DISP1: variants seen among roughly 807,000 people sequenced by gnomAD.
The protein encoded by DISP1 is protein dispatched homolog 1.
Under a neutral mutation model 37.3 loss-of-function variants are expected in DISP1, and 30 were observed. The ratio of observed to expected loss-of-function variants is 0.80; its 90% CI spans 0.60 to 1.09. DISP1 has a LOEUF of 1.09. DISP1 is among the 50% of genes least tolerant of loss of function. The probability of loss-of-function intolerance (pLI) is 0.00; values close to 1 mark genes in which losing one functional copy is unlikely to be tolerated. For synonymous variants in DISP1, 634 were observed against 690.2 expected (o/e 0.92, Z 1.28); for missense variants, 1,598 against 1,879.5 (o/e 0.85, Z 2.77).
intron 1 of DISP1, among the ~76,000 whole-genome samples, chr1:222,868,793 A>G (rs752097629): frequency 2.6e-5 from 4 of 152,142 alleles, no homozygotes; most frequent in Admixed American, 1.3e-4. Context: ...TAATGTTTAG[A>G]GGTGCTTTCC....
chr1:222,988,781 G>A (rs762132715), intron 4 of DISP1, among the ~76,000 whole-genome samples: 5 of 151,432 alleles, frequency 3.3e-5, no homozygotes, highest in Non-Finnish European at 7.4e-5. Context: ...AGCCTCCCAA[G>A]TAGCTGGGAC....
At chr1:222,827,829 A>G (rs1210382805) in intron 1 of DISP1, among the ~76,000 whole-genome samples, 3 of 152,314 alleles carry the variant, frequency 2.0e-5, no homozygotes, top group Non-Finnish European at 4.4e-5. Flanking sequence ...TTGAGATACT[A>G]CATATAATTT....
intron 1 of DISP1, among the ~76,000 whole-genome samples, chr1:222,924,910 T>A (rs1376692113): frequency 1.3e-5 from 2 of 152,094 alleles, no homozygotes; most frequent in African/African-American, 4.8e-5. Context: ...CAGGCTCTAG[T>A]CTCTTTTTCC....
At chr1:222,862,453 A>G (rs1475940549) in intron 1 of DISP1, among the ~76,000 whole-genome samples, 1 of 152,030 alleles carries the variant, frequency 6.6e-6, no homozygotes, top group Non-Finnish European at 1.5e-5. Flanking sequence ...GTAATTTAAC[A>G]TTGATATAAT....
At chr1:222,926,870 C>T (rs1053047049) in intron 1 of DISP1, among the ~76,000 whole-genome samples, 2 of 152,110 alleles carry the variant, frequency 1.3e-5, no homozygotes, top group Non-Finnish European at 2.9e-5. Context: ...GTATGAGAGC[C>T]AAACACAAGA....
chr1:222,853,795 C>T (rs1440878036), intron 1 of DISP1, among the ~76,000 whole-genome samples: 5 of 152,044 alleles, frequency 3.3e-5, no homozygotes, highest in African/African-American at 9.7e-5. Context: ...AAAATTACAG[C>T]TAGATAGGGG....
rs572107112 is a variant in DISP1 at position 222,977,086 on chromosome 1, A to C, written c.510-5994A>C. Among the ~76,000 whole-genome samples, 13 of 152,198 alleles carry C rather than the reference A, an allele frequency of 8.5e-5. No homozygotes were observed. The South Asian group carries it at 2.3e-3, about 27-fold the overall frequency. ...CTCTTATTGCCCAGGCTGGAGTACA[A>C]TGGCGCGATCTCGGTTCACCGCAAC... On this transcript the variant is annotated intron_variant, in intron 3 of 8. Transcript: ENST00000675850.
chr1:222,903,012 T>C (rs938637983), intron 1 of DISP1, among the ~76,000 whole-genome samples: 1 of 151,970 alleles, frequency 6.6e-6, no homozygotes, highest in Non-Finnish European at 1.5e-5. Flanking sequence ...GTATGTTTGT[T>C]GCGGCACTAT....
chr1:222,841,002 GATTA>G (rs1163807252), intron 1 of DISP1, among the ~76,000 whole-genome samples: 1 of 152,134 alleles, frequency 6.6e-6, no homozygotes, highest in Admixed American at 6.5e-5. Flanking sequence ...TAGAGCACCT[GATTA>G]ATCTTGGACA....
chr1:222,921,032 G>A (rs1406446723), intron 1 of DISP1, among the ~76,000 whole-genome samples: 2 of 152,094 alleles, frequency 1.3e-5, no homozygotes, highest in African/African-American at 2.4e-5. Context: ...TAATTGGGCC[G>A]GGCACAGTGG....
intron 1 of DISP1, among the ~76,000 whole-genome samples, chr1:222,922,361 G>A (rs1672847412): frequency 6.6e-6 from 1 of 152,112 alleles, no homozygotes; most frequent in Admixed American, 6.5e-5. Flanking sequence ...ACATCTATTA[G>A]GCTGTTGTAG....
chr1:222,990,061 C>T (rs903724694), intron 4 of DISP1, among the ~76,000 whole-genome samples: 1 of 152,176 alleles, frequency 6.6e-6, no homozygotes, highest in Non-Finnish European at 1.5e-5. Flanking sequence ...CTCAGCCTCC[C>T]AAAGTGCTGA....
chr1:222,960,660 C>CA (rs1396503021), intron 3 of DISP1, among the ~76,000 whole-genome samples: 2 of 150,290 alleles, frequency 1.3e-5, no homozygotes, highest in Admixed American at 6.6e-5. Flanking sequence ...AAAAACCCTG[C>CA]AAAAAATCAA....
At chr1:222,920,186 A>C (rs1672734832) in intron 1 of DISP1, among the ~76,000 whole-genome samples, 1 of 152,212 alleles carries the variant, frequency 6.6e-6, no homozygotes, top group African/African-American at 2.4e-5. Context: ...ATGTAGATTC[A>C]TTTAGAGTTT....
chr1:222,848,281 A>C (rs982426052), intron 1 of DISP1, among the ~76,000 whole-genome samples: 16 of 152,282 alleles, frequency 1.1e-4, no homozygotes, highest in South Asian at 4.1e-4. Flanking sequence ...GTGAGCATTA[A>C]ATGAGAATGC....
Position 222,948,372 on chromosome 1 carries a change from A to G in DISP1, c.509+5040A>G, listed in dbSNP as rs370516475. Among the ~76,000 whole-genome samples, 594 of 152,302 alleles carry G rather than the reference A, an allele frequency of 3.9e-3. 6 individuals are homozygous for G. The highest frequency in any genetic ancestry group is 0.014 in the African/African-American group (578 of 41,564). ...ATGCTATCTCGTCCTTTACCCAACC[A>G]ATAAAATATCCACAGAAGCAAATGT... On this transcript the variant is annotated intron_variant, in intron 3 of 8. Coordinates refer to ENST00000675850, the MANE Select transcript of DISP1 (RefSeq NM_001377229.1).
At chr1:222,891,456 A>G (rs994251350) in intron 1 of DISP1, among the ~76,000 whole-genome samples, 1 of 152,186 alleles carries the variant, frequency 6.6e-6, no homozygotes, top group Non-Finnish European at 1.5e-5. Flanking sequence ...AGTAAACTAT[A>G]TTATAGGTCA....
rs201743091 is a variant in DISP1 at position 223,003,550 on chromosome 1, G to A, written c.2153G>A (p.Arg718His). The change falls in exon 9 of 9, where the codon CGC (arginine) becomes CAC (histidine). Residue 718 changes from arginine to histidine, a missense_variant. Arg to His is a conservative substitution (Grantham distance 29). Transcript: ENST00000675850. This position sits in a 1 kb window ranked among gnomAD's most constrained non-coding sequence, Gnocchi z 4.3. ...KVLPCIVIKF[R>H]YLWLFWFLAL... ...TTGCCATGCATTGTCATTAAGTTTC[G>A]CTACCTTTGGCTGTTTTGGTTCCTT... 5.0e-5 allele frequency: 81 copies of A among 1,614,102 alleles called. No individual in the cohort carries two copies. Among genetic ancestry groups the A allele is most frequent in the Non-Finnish European group, 5.9e-5 (70 of 1,180,044 alleles).
chr1:222,828,734 C>T (rs1438357585), intron 1 of DISP1, among the ~76,000 whole-genome samples: 4 of 152,134 alleles, frequency 2.6e-5, no homozygotes, highest in South Asian at 4.1e-4. Flanking sequence ...GGGGCACATT[C>T]GCTTTAGCAC....
Sources: gnomAD v4.1 joint callset for allele counts (sites outside exome capture counted in the v4.1 genomes callset) on GRCh38, gnomAD v4.1.1 for gene constraint, Gnocchi (gnomAD v3.1) non-coding constraint, MANE v1.5 for transcripts, NCBI Gene and HGNC (gene_info 2026-07-23, HGNC 2026-07-21) for gene names.